Variants in FBXW2 observed in about 807,000 individuals in gnomAD.
The protein encoded by FBXW2 is F-box/WD repeat-containing protein 2.
In FBXW2, 12 loss-of-function variants were observed where a neutral mutation model predicts 46.0. That is an observed-to-expected ratio of 0.26 (90% CI 0.17 to 0.42). FBXW2 has a LOEUF of 0.42. FBXW2 is among the 10% of genes least tolerant of loss of function. The pLI is 1.00. For synonymous variants in FBXW2, 203 were observed against 209.6 expected, an observed-to-expected ratio of 0.97 and a Z score of 0.27; for missense variants, 360 against 537.0, an observed-to-expected ratio of 0.67 and a Z score of 3.26.
rs1400634323 is a variant in FBXW2, at chr9:120,761,634, T to G, written c.*2925A>C. On this transcript the variant is annotated 3_prime_UTR_variant, in exon 8 of 8. Coordinates refer to ENST00000608872, the MANE Select transcript of FBXW2 (RefSeq NM_012164.4). Reference sequence around the variant, plus strand: ...CCATTTTTATAAAAACTGGCGATAGTATGAATAAACCCAGCATCTATAAAG... The same window carrying G: ...CCATTTTTATAAAAACTGGCGATAGGATGAATAAACCCAGCATCTATAAAG... 1 of 152,194 alleles carries G rather than the reference T, an allele frequency of 6.6e-6. No individual in the cohort carries two copies. The highest frequency in any genetic ancestry group is 1.5e-5 in the Non-Finnish European group (1 of 68,034). The allele number at this position is 152,194 out of a possible 1,614,324, so 9.4% of individuals were successfully genotyped here.
chr9:120,768,902 G>A (rs1489026845), intron 7 of FBXW2, among the ~76,000 whole-genome samples: 2 of 152,138 alleles, frequency 1.3e-5, no homozygotes, highest in Non-Finnish European at 2.9e-5. Context: ...CATCATAACA[G>A]AACACAAAAA....
At chr9:120,776,861 A>C (rs563277991) in intron 4 of FBXW2, among the ~76,000 whole-genome samples, 34 of 152,308 alleles carry the variant, frequency 2.2e-4, no homozygotes, top group Admixed American at 5.2e-4. Flanking sequence ...GAAGACACTG[A>C]TTCTTCCTTT....
intron 4 of FBXW2, among the ~76,000 whole-genome samples, chr9:120,777,109 C>G (rs2044512904): frequency 6.6e-6 from 1 of 152,148 alleles, no homozygotes; most frequent in Admixed American, 6.6e-5. Flanking sequence ...AGAAAAACCT[C>G]AGCAATGTCT....
intron 2 of FBXW2, among the ~76,000 whole-genome samples, chr9:120,790,789 C>T (rs768046284): frequency 6.6e-6 from 1 of 152,116 alleles, no homozygotes; most frequent in Non-Finnish European, 1.5e-5. Context: ...AACAAACCTG[C>T]ACGTTGTGCA....
intron 2 of FBXW2, among the ~76,000 whole-genome samples, chr9:120,790,132 G>T (rs2044804888): frequency 6.6e-6 from 1 of 152,168 alleles, no homozygotes; most frequent in South Asian, 2.1e-4. Flanking sequence ...ATTATCTTCT[G>T]TGGGCATCTG....
At chr9:120,782,707 T>C (rs962879227) in intron 3 of FBXW2, among the ~76,000 whole-genome samples, 1 of 152,088 alleles carries the variant, frequency 6.6e-6, no homozygotes, top group Non-Finnish European at 1.5e-5. Context: ...CTGGGCATGG[T>C]GGCACACACA....
rs1395031004 is a variant in FBXW2 at position 120,761,077 on chromosome 9, C to T, written c.*3482G>A. On this transcript the variant is annotated 3_prime_UTR_variant, in exon 8 of 8. Transcript: ENST00000608872. The stretch of plus-strand genomic sequence containing the variant: ...CATGCACCTTCCTGCAGAACTTCTT[C>T]CAAGTCCAGTCCTTCCACTGGAGGG... The T allele has an allele frequency of 2.6e-5, 4 of 152,204 alleles. No individual in the cohort carries two copies. The highest frequency in any genetic ancestry group is 7.2e-5 in the African/African-American group (3 of 41,446). The allele number at this position is 152,204 out of a possible 1,614,324, so 9.4% of individuals were successfully genotyped here.
In FBXW2 at chr9:120,772,797, G is replaced by C; in HGVS notation, c.863C>G (p.Pro288Arg). 6.2e-7 allele frequency: 1 copy of C among 1,606,400 alleles called. No homozygotes were observed. The highest frequency in any genetic ancestry group is 8.5e-7 in the Non-Finnish European group (1 of 1,177,566). The part of the protein sequence containing the change: ...KCKVKSLLHS[P>R]GDYILLSADK... ...TGCACTTAAGAGGATGTAGTCTCCA[G>C]GACTGTGCAAGAGAGACTTGACTTT... is the stretch of plus-strand genomic sequence containing the variant. Residue 288 changes from proline (P) to arginine (R), a missense_variant, in exon 6 of 8, where the codon CCT becomes CGT. Pro to Arg is a moderately radical substitution (Grantham distance 103). Coordinates refer to ENST00000608872, the MANE Select transcript of FBXW2 (RefSeq NM_012164.4).
In FBXW2 at chr9:120,764,799, TC is replaced by T; in HGVS notation, c.1124del (p.Gly375GlufsTer23). 1 of 1,607,630 alleles carries T rather than the reference TC, an allele frequency of 6.2e-7. No individual in the cohort carries two copies. The highest frequency in any genetic ancestry group is 2.2e-5 in the East Asian group (1 of 44,770). ...EIANLALLGFGDIFALLFDNR... is the reference protein window; with the variant it reads ...EIANLALLGFXDIFALLFDNR... ...TGTCAAACAGCAGGGCAAAGATATC[TC>T]CAAAGCCAAGCAAGGCCAAGTTTGC... On this transcript the variant is annotated frameshift_variant, in exon 8 of 8. Transcript: ENST00000608872. LOFTEE classifies it high-confidence loss of function.
intron 5 of FBXW2, among the ~76,000 whole-genome samples, chr9:120,774,244 G>A (rs1588033992): frequency 6.7e-6 from 1 of 150,022 alleles, no homozygotes; most frequent in South Asian, 2.1e-4. Context: ...GGCTGAAGCA[G>A]GAGAATCACT....
intron 7 of FBXW2, among the ~76,000 whole-genome samples, chr9:120,768,986 T>G (rs1404851508): frequency 6.6e-6 from 1 of 152,216 alleles, no homozygotes; most frequent in Admixed American, 6.5e-5. Flanking sequence ...ACAAATATGT[T>G]GCAGAATAGA....
At chr9:120,783,249 C>A (rs994363153) in intron 3 of FBXW2, among the ~76,000 whole-genome samples, 2 of 152,064 alleles carry the variant, frequency 1.3e-5, no homozygotes, top group South Asian at 4.1e-4. Flanking sequence ...CCTGAGAATC[C>A]TTTAGGAATC....
intron 6 of FBXW2, 54 bp from the exon 7 acceptor site, chr9:120,771,571 C>T: frequency 6.6e-7 from 1 of 1,504,336 alleles, no homozygotes; most frequent in South Asian, 1.2e-5. Context: ...TACAGAAAAG[C>T]TTGTCCTTAA....
At chr9:120,778,293 C>T (rs924675465) in intron 4 of FBXW2, 58 bp downstream of exon 4, 3 of 1,423,980 alleles carry the variant, frequency 2.1e-6, no homozygotes, top group Non-Finnish European at 2.9e-6. Flanking sequence ...ACATTCTTGG[C>T]TCCTGGCTTA....
chr9:120,780,797 A>G (rs2131343728), intron 3 of FBXW2, among the ~76,000 whole-genome samples: 1 of 152,314 alleles, frequency 6.6e-6, no homozygotes, highest in East Asian at 1.9e-4. Flanking sequence ...TGGGAAGACA[A>G]AAAGGCTAAA....
intron 7 of FBXW2, 146 bp from the exon 8 acceptor site, chr9:120,764,993 GGAGAAAAGCTCAGCCCACTTATAAAAAA>G: frequency 3.0e-6 from 2 of 675,620 alleles, no homozygotes; most frequent in Non-Finnish European, 4.6e-6. Context: ...TAAAATATAA[GGAGAAAAGCTCAGCCCACTTATAAAAAA>G]GCCGGGAGCG....
At chr9:120,770,375 CAA>C (rs1196542430) in intron 7 of FBXW2, among the ~76,000 whole-genome samples, 11 of 64,582 alleles carry the variant, frequency 1.7e-4, no homozygotes, top group Non-Finnish European at 2.2e-4. Context: ...GACTCCATCT[CAA>C]AAAAAAAAAA....
At chr9:120,787,169 T>C (rs1344621656) in intron 3 of FBXW2, among the ~76,000 whole-genome samples, 11 of 151,956 alleles carry the variant, frequency 7.2e-5, no homozygotes, top group African/African-American at 1.9e-4. Flanking sequence ...GCTGGGATTA[T>C]AGGCGCATGC....
rs560331311 is a variant in FBXW2, at chr9:120,764,541, C to A, written c.*18G>T. ...AGCCCCGGCACCCAAAGTCAGTCAG[C>A]GGTGGTGGCTCATGGTGTCAGCCGT... On this transcript the variant is annotated 3_prime_UTR_variant, in exon 8 of 8. Coordinates refer to ENST00000608872, the MANE Select transcript of FBXW2 (RefSeq NM_012164.4). 3 of 1,599,560 alleles carry A rather than the reference C, an allele frequency of 1.9e-6. No individual in the cohort carries two copies. Among genetic ancestry groups the A allele is most frequent in the South Asian group, 1.1e-5 (1 of 90,446 alleles).
Sources: gnomAD v4.1 joint callset for allele counts (sites outside exome capture counted in the v4.1 genomes callset) on GRCh38, gnomAD v4.1.1 for gene constraint, MANE v1.5 for transcripts, NCBI Gene and HGNC (gene_info 2026-07-23, HGNC 2026-07-21) for gene names.